PLD1: variants seen among roughly 807,000 people sequenced by gnomAD.
PLD1 encodes the protein choline phosphatase 1.
A neutral mutation model predicts 137.1 loss-of-function variants in PLD1; 112 were observed. The ratio of observed to expected loss-of-function variants is 0.82; its 90% CI spans 0.70 to 0.96. PLD1 has a LOEUF of 0.96. PLD1 is among the 40% of genes least tolerant of loss of function. The pLI is 0.00. For missense variants in PLD1, 1,321 were observed against 1,342.0 expected, an observed-to-expected ratio of 0.98 and a Z score of 0.24; for synonymous variants, 431 against 454.7, an observed-to-expected ratio of 0.95 and a Z score of 0.66.
chr3:171,732,824 G>A (rs1578375594), intron 6 of PLD1, among the ~76,000 whole-genome samples: 1 of 152,192 alleles, frequency 6.6e-6, no homozygotes, highest in South Asian at 2.1e-4. Flanking sequence ...CTACTTGTTT[G>A]CTGACACTAG....
chr3:171,644,874 C>A, intron 22 of PLD1, 36 bp downstream of exon 22: 1 of 1,294,080 alleles, frequency 7.7e-7, no homozygotes. Flanking sequence ...GATGCATGAC[C>A]GAAAGCTCAA....
chr3:171,684,578 A>ATTTT (rs749981235), intron 16 of PLD1, among the ~76,000 whole-genome samples: 105 of 152,012 alleles, frequency 6.9e-4, no homozygotes, highest in Admixed American at 1.5e-3. Context: ...CTCCATTTTT[A>ATTTT]TTTTTCAAAA....
rs115859015 is a variant in PLD1, at chr3:171,725,027, T to C, written c.666-239A>G. On this transcript the variant is annotated intron_variant, in intron 7 of 26. Transcript: ENST00000351298. ...AGCATTCGGGGCAGTGTGATTCTGT[T>C]GTGCACTACACAGGACCTTAAGCAT... 7.3e-3 allele frequency among the ~76,000 whole-genome samples: 1,114 copies of C among 152,266 alleles called. 6 individuals are homozygous for C. The highest frequency in any genetic ancestry group is 0.011 in the Non-Finnish European group (760 of 68,018).
At chr3:171,656,378 T>C (rs1351065489) in intron 21 of PLD1, among the ~76,000 whole-genome samples, 3 of 152,032 alleles carry the variant, frequency 2.0e-5, no homozygotes, top group Admixed American at 1.3e-4. Context: ...ACCACACTGG[T>C]CAGACTGGTC....
rs770981670 is a variant in PLD1 at position 171,713,990 on chromosome 3, T to C, written c.814A>G (p.Ile272Val). The C allele has an allele frequency of 5.6e-6, 9 of 1,609,452 alleles. No individual in the cohort carries two copies. The highest frequency in any genetic ancestry group is 1.1e-5 in the South Asian group (1 of 90,984). ...TTGTCTACCAGCAGGACGAAGGCAA[T>C]GGCACCGCTGTCTGGTTTCATATAC... ...LLYMKPDSGA[I>V]AFVLLVDKEF... Residue 272 changes from isoleucine (I) to valine (V), a missense_variant, in exon 9 of 27, where the codon ATT (isoleucine) becomes GTT (valine). Coordinates refer to ENST00000351298, the MANE Select transcript of PLD1 (RefSeq NM_002662.5).
intron 12 of PLD1, among the ~76,000 whole-genome samples, chr3:171,699,222 C>T (rs924840779): frequency 6.6e-6 from 1 of 152,138 alleles, no homozygotes; most frequent in African/African-American, 2.4e-5. Context: ...CCAGAATGTA[C>T]AGGGTCAACT....
At chr3:171,766,900 C>T (rs1286835933) in intron 1 of PLD1, among the ~76,000 whole-genome samples, 1 of 152,106 alleles carries the variant, frequency 6.6e-6, no homozygotes, top group Non-Finnish European at 1.5e-5. Flanking sequence ...ATTTGTAACA[C>T]GTTTAAATTT....
intron 1 of PLD1, among the ~76,000 whole-genome samples, chr3:171,757,292 C>T (rs1233907430): frequency 6.6e-6 from 1 of 151,974 alleles, no homozygotes; most frequent in South Asian, 2.1e-4. Context: ...GTATGTGTCA[C>T]AAAGAAAACT....
chr3:171,738,105 C>T, intron 1 of PLD1, 23 bp from the exon 2 acceptor site: 1 of 1,400,324 alleles, frequency 7.1e-7, no homozygotes, highest in Non-Finnish European at 9.9e-7. Flanking sequence ...AAAACGGTTA[C>T]AAAGACTTAG....
intron 5 of PLD1, among the ~76,000 whole-genome samples, chr3:171,733,716 T>C (rs1473118331): frequency 6.6e-6 from 1 of 152,210 alleles, no homozygotes; most frequent in Non-Finnish European, 1.5e-5. Context: ...TTAAATATCT[T>C]CTTACTGTTT....
At position 171,659,260 on chromosome 3, in the gene PLD1, G is replaced by A. The variant is rs1737465483; in HGVS notation, c.2382C>T (p.Phe794=). 2.5e-6 allele frequency: 4 copies of A among 1,613,558 alleles called. No individual in the cohort carries two copies. The highest frequency in any genetic ancestry group is 1.3e-5 in the African/African-American group (1 of 74,914). The change falls in exon 21 of 27, where the codon TTC becomes TTT. Residue 794 remains phenylalanine, a synonymous_variant. Transcript: ENST00000351298. The part of the protein sequence containing the change: ...FISCADDKVV[F]NKIGDAIAQR... ...GGGCAATGGCATCGCCTATCTTGTT[G>A]AACACAACTTTGTCATCAGCACAGC...
chr3:171,610,395 T>C (rs1045110283), intron 25 of PLD1, among the ~76,000 whole-genome samples: 2 of 152,190 alleles, frequency 1.3e-5, no homozygotes, highest in Non-Finnish European at 2.9e-5. Context: ...ATACAATATA[T>C]TAATATCTAT....
chr3:171,689,506 CCTTCCTTT>C (rs1255538746), intron 13 of PLD1, among the ~76,000 whole-genome samples: 3 of 151,748 alleles, frequency 2.0e-5, no homozygotes, highest in Non-Finnish European at 4.4e-5. Flanking sequence ...TTCCTTCCTT[CCTTCCTTT>C]CTTTCTTTCT....
Position 171,659,289 on chromosome 3 carries a change from T to A in PLD1, c.2353A>T (p.Ile785Leu), listed in dbSNP as rs369988293. ...ACAACTTTGTCATCAGCACAGCTTA[T>A]GAAAAACTGGTTCTATGAGAAATAA... ...HYIYIENQFFISCADDKVVFN... is the reference protein window; with the variant it reads ...HYIYIENQFFLSCADDKVVFN... The change falls in exon 21 of 27, where the codon ATA becomes TTA. Residue 785 changes from isoleucine (I) to leucine (L), a missense_variant. Coordinates refer to ENST00000351298, the MANE Select transcript of PLD1 (RefSeq NM_002662.5). The A allele has an allele frequency of 6.2e-7, 1 of 1,609,524 alleles. No individual in the cohort carries two copies. Among genetic ancestry groups the A allele is most frequent in the South Asian group, 1.1e-5 (1 of 90,970 alleles).
chr3:171,753,995 A>G (rs574149803), intron 1 of PLD1, among the ~76,000 whole-genome samples: 14 of 152,138 alleles, frequency 9.2e-5, no homozygotes, highest in African/African-American at 3.1e-4. Context: ...ATTGATTCCT[A>G]TCATCCATTG....
Position 171,738,034 on chromosome 3 carries a change from C to A in PLD1, c.18G>T (p.Glu6Asp). Reference sequence around the variant, plus strand: ...GCAGTGCAGAGGTATTTACCCGTGGCTCGTTTTTCAGTGACATGTTAACTT... The same window carrying A: ...GCAGTGCAGAGGTATTTACCCGTGGATCGTTTTTCAGTGACATGTTAACTT... MSLKN[E>D]PRVNTSALQK... The change falls in exon 2 of 27, where the codon GAG becomes GAT. Residue 6 changes from glutamate to aspartate, a missense_variant. Physicochemically the swap from Glu to Asp is conservative, Grantham distance 45. Transcript: ENST00000351298. The A allele has an allele frequency of 1.2e-6, 2 of 1,612,960 alleles. No homozygotes were observed. Among genetic ancestry groups the A allele is most frequent in the Non-Finnish European group, 1.7e-6 (2 of 1,179,610 alleles).
At chr3:171,678,692 T>C (rs1713641623) in intron 16 of PLD1, among the ~76,000 whole-genome samples, 1 of 152,230 alleles carries the variant, frequency 6.6e-6, no homozygotes, top group Non-Finnish European at 1.5e-5. Context: ...TAAAATGCAC[T>C]CTTTGCTTAA....
intron 24 of PLD1, among the ~76,000 whole-genome samples, chr3:171,613,314 T>TCA (rs146677725): frequency 0.03 from 4,524 of 152,320 alleles, 158 homozygotes; most frequent in African/African-American, 0.084. Context: ...CCTTATTGTT[T>TCA]CACACACACT....
intron 16 of PLD1, among the ~76,000 whole-genome samples, chr3:171,682,876 C>T (rs1015407879): frequency 6.6e-5 from 10 of 152,214 alleles, no homozygotes; most frequent in Admixed American, 3.9e-4. Context: ...GATCCTTTGG[C>T]TTTTCTTTTT....
Sources: allele counts gnomAD v4.1 joint callset (sites outside exome capture counted in the v4.1 genomes callset), GRCh38; gene constraint gnomAD v4.1.1; transcripts MANE v1.5; gene names NCBI Gene and HGNC (gene_info 2026-07-23, HGNC 2026-07-21).